Variants in FLOT2 observed in about 807,000 individuals in gnomAD.
FLOT2 encodes the protein flotillin 2, also known as flotillin-2.
In FLOT2, 35 loss-of-function variants were observed where a neutral mutation model predicts 54.9. The observed-to-expected ratio is 0.64, with a 90% CI of 0.49 to 0.84. The LOEUF is 0.84. Among genes scored for constraint, FLOT2 ranks in the 40% least tolerant of loss-of-function variants. The pLI, the probability that FLOT2 is intolerant of heterozygous loss-of-function variation, is 0.00. For missense variants in FLOT2, 464 were observed against 572.1 expected, an observed-to-expected ratio of 0.81 and a Z score of 1.93; for synonymous variants, 207 against 228.9, an observed-to-expected ratio of 0.90 and a Z score of 0.86.
rs772690823 is a variant in FLOT2, at chr17:28,885,651, C to T, written c.132-1336G>A. 8.4e-6 allele frequency: 6 copies of T among 717,548 alleles called. No homozygotes were observed. In the South Asian group the frequency reaches 8.9e-5, roughly 11 times the overall value. The allele number at this position is 717,548 out of a possible 1,614,324, so 44.4% of individuals were successfully genotyped here. On this transcript the variant is annotated intron_variant, in intron 2 of 10. Transcript: ENST00000394908. ...GAGCTTCCAGAATCCCTTGCTGTTT[C>T]CCCACTTGCAGTCCAATAGGCAAGG...
In FLOT2 at chr17:28,885,690, G is replaced by C. The variant is rs1475617659; in HGVS notation, c.132-1375C>G. 4.2e-6 allele frequency: 3 copies of C among 718,182 alleles called. No individual in the cohort carries two copies. The East Asian group carries it at 8.0e-5, about 19-fold the overall frequency. 44.5% of individuals were successfully genotyped at this position (718,182 alleles called of 1,614,324 possible). On this transcript the variant is annotated intron_variant, in intron 2 of 10. Coordinates refer to ENST00000394908, the MANE Select transcript of FLOT2 (RefSeq NM_004475.3). ...CAATAGGCAAGGGCAAGGGACCTGG[G>C]GATGTACAGGGATCCATCCTGGCAC... is the stretch of plus-strand genomic sequence containing the variant.
chr17:28,892,630 TGCCCGGC>T (rs1332833768), intron 1 of FLOT2: 1 of 149,968 alleles, frequency 6.7e-6, no homozygotes, highest in Admixed American at 6.6e-5. Flanking sequence ...GGAGCCACCG[TGCCCGGC>T]CCTAGATGGC....
intron 1 of FLOT2, among the ~76,000 whole-genome samples, chr17:28,894,181 T>A (rs2039701424): frequency 6.6e-6 from 1 of 152,190 alleles, no homozygotes; most frequent in African/African-American, 2.4e-5. Flanking sequence ...ACTTTCTTCC[T>A]ACTAGTCAAG....
intron 1 of FLOT2, among the ~76,000 whole-genome samples, chr17:28,896,633 C>G (rs1400764232): frequency 6.6e-6 from 1 of 152,224 alleles, no homozygotes; most frequent in Admixed American, 6.5e-5. Context: ...CTCAGGGCTT[C>G]TATCCCCTTC....
Position 28,882,162 on chromosome 17 carries a change from A to G in FLOT2, c.655T>C (p.Phe219Leu). The G allele has an allele frequency of 6.2e-7, 1 of 1,614,160 alleles. No homozygotes were observed. The highest frequency in any genetic ancestry group is 8.5e-7 in the Non-Finnish European group (1 of 1,180,032). ...CTGAAGGCTGACTTTTGCAGCTCGA[A>G]GGCTCGCTTAGAGTCAGCAATCTTG... The part of the protein sequence containing the change: ...DTKIADSKRA[F>L]ELQKSAFSEE... Residue 219 changes from phenylalanine to leucine, a missense_variant, in exon 7 of 11, where the codon TTC becomes CTC. Coordinates refer to ENST00000394908, the MANE Select transcript of FLOT2 (RefSeq NM_004475.3). This position sits in a 1 kb window ranked among gnomAD's most constrained non-coding sequence, Gnocchi z 5.6.
At chr17:28,890,009 G>A (rs1038568952) in intron 1 of FLOT2, among the ~76,000 whole-genome samples, 1 of 152,162 alleles carries the variant, frequency 6.6e-6, no homozygotes, top group Admixed American at 6.5e-5. Flanking sequence ...CACGGGGGGT[G>A]TAGACAGAGA....
In FLOT2 at chr17:28,883,103, C is replaced by CA; in HGVS notation, c.346+4_346+5insT. The CA allele has an allele frequency of 6.2e-7, 1 of 1,614,034 alleles. No homozygotes were observed. The highest frequency in any genetic ancestry group is 8.5e-7 in the Non-Finnish European group (1 of 1,179,966). On this transcript the variant is annotated splice_donor_region_variant and intron_variant, in intron 4 of 10. Transcript: ENST00000394908. The surrounding 1 kb of genome is among the most constrained non-coding windows in gnomAD (Gnocchi z 5.0). ...AGGCTCCTCAAAGGCTGAACAGGGC[C>CA]TCACCGAGGATGGAGCGCAGATGTC...
Position 28,897,377 on chromosome 17 carries a change from T to G in FLOT2, c.49+149A>C, listed in dbSNP as rs868695517. ...GCAAGGAAAGCGTGAGCACGAGATC[T>G]CTCTTGGAAGGGGCCTCAGGTGCGG... is the stretch of plus-strand genomic sequence containing the variant. On this transcript the variant is annotated intron_variant, in intron 1 of 10. Transcript: ENST00000394908. This position sits in a 1 kb window ranked among gnomAD's most constrained non-coding sequence, Gnocchi z 4.4. 1 of 659,288 alleles carries G rather than the reference T, an allele frequency of 1.5e-6. No individual in the cohort carries two copies. Among genetic ancestry groups the G allele is most frequent in the Non-Finnish European group, 2.5e-6 (1 of 408,130 alleles). The allele number at this position is 659,288 out of a possible 1,614,324, so 40.8% of individuals were successfully genotyped here. A position where few individuals can be genotyped will look rare whatever the true frequency, so the allele number is the denominator to read the frequency against.
In FLOT2 at chr17:28,889,025, C is replaced by A. The variant is rs2039599410; in HGVS notation, c.51G>T (p.Gly17=). The A allele has an allele frequency of 1.2e-6, 2 of 1,613,874 alleles. No individual in the cohort carries two copies. The highest frequency in any genetic ancestry group is 1.7e-6 in the Non-Finnish European group (2 of 1,179,952). Residue 17 remains glycine (G), a splice_region_variant and synonymous_variant, in exon 2 of 11, where the codon GGG becomes GGT. Transcript: ENST00000394908. The stretch of plus-strand genomic sequence containing the variant: ...GTTTATAGTCGGAACCACAACAGCC[C>A]CCTGGGGAGCAAAGCAAACCACCGC... ...VGPNEALVVS[G]GCCGSDYKQY...
At position 28,879,817 on chromosome 17, in the gene FLOT2, A is replaced by G. The variant is rs2039417514; in HGVS notation, c.*744T>C. On this transcript the variant is annotated 3_prime_UTR_variant, in exon 11 of 11. Coordinates refer to ENST00000394908, the MANE Select transcript of FLOT2 (RefSeq NM_004475.3). Reference sequence around the variant, plus strand: ...TGGGACCAAACCGCACCGCCCCAGCAGGAACATGCCCATGAAGAGGCCTTC... The same window carrying G: ...TGGGACCAAACCGCACCGCCCCAGCGGGAACATGCCCATGAAGAGGCCTTC... The G allele has an allele frequency of 3.0e-6, 3 of 986,110 alleles. No individual in the cohort carries two copies. In the East Asian group the frequency reaches 3.4e-4, roughly 112 times the overall value. 61.1% of individuals were successfully genotyped at this position (986,110 alleles called of 1,614,324 possible).
At chr17:28,889,455 G>C (rs543688714) in intron 1 of FLOT2, among the ~76,000 whole-genome samples, 1 of 151,664 alleles carries the variant, frequency 6.6e-6, no homozygotes, top group South Asian at 2.1e-4. Flanking sequence ...TCAGCCTCCT[G>C]AGTTGCTGGG....
At chr17:28,894,616 CTTTTT>C (rs34266130) in intron 1 of FLOT2, among the ~76,000 whole-genome samples, 1 of 47,376 alleles carries the variant, frequency 2.1e-5, no homozygotes, top group African/African-American at 7.4e-5. Flanking sequence ...AGAGCAAGAC[CTTTTT>C]TTTTTTTTTT....
Position 28,897,363 on chromosome 17 carries a change from G to T in FLOT2, c.49+163C>A. The T allele has an allele frequency of 1.6e-6, 1 of 607,784 alleles. No individual in the cohort carries two copies. Among genetic ancestry groups the T allele is most frequent in the Non-Finnish European group, 2.7e-6 (1 of 364,440 alleles). The allele number at this position is 607,784 out of a possible 1,614,324, so 37.6% of individuals were successfully genotyped here. A position where few individuals can be genotyped will look rare whatever the true frequency, so the allele number is the denominator to read the frequency against. ...CCCGAGGGTGCGCAGCAAGGAAAGC[G>T]TGAGCACGAGATCTCTCTTGGAAGG... is the stretch of plus-strand genomic sequence containing the variant. On this transcript the variant is annotated intron_variant, in intron 1 of 10. Transcript: ENST00000394908. The surrounding 1 kb of genome is among the most constrained non-coding windows in gnomAD (Gnocchi z 4.4).
At chr17:28,887,327 C>T (rs1334641311) in intron 2 of FLOT2, among the ~76,000 whole-genome samples, 1 of 152,160 alleles carries the variant, frequency 6.6e-6, no homozygotes, top group East Asian at 1.9e-4. Context: ...AATAAAGCCC[C>T]AGCCTGTGGA....
At position 28,881,396 on chromosome 17, in the gene FLOT2, T is replaced by G. The variant is rs761988900; in HGVS notation, c.915-21A>C. On this transcript the variant is annotated intron_variant, in intron 8 of 10. Coordinates refer to ENST00000394908, the MANE Select transcript of FLOT2 (RefSeq NM_004475.3). ...TCACCCTGGGGGAGCCCAGGCCAGT[T>G]AGGATCAGTGGGACGTACCAGGGTC... The G allele has an allele frequency of 1.9e-6, 3 of 1,606,670 alleles. No individual in the cohort carries two copies. In the East Asian group the frequency reaches 6.7e-5, roughly 36 times the overall value.
intron 2 of FLOT2, among the ~76,000 whole-genome samples, chr17:28,887,793 C>G (rs985027238): frequency 5.9e-5 from 9 of 152,202 alleles, no homozygotes; most frequent in Non-Finnish European, 1.3e-4. Context: ...AGGCTGTGGC[C>G]ACTACTGATT....
In FLOT2 at chr17:28,880,601, T is replaced by C. The variant is rs1347144933; in HGVS notation, c.1249-2A>G. The C allele has an allele frequency of 3.1e-6, 5 of 1,614,078 alleles. No individual in the cohort carries two copies. Among genetic ancestry groups the C allele is most frequent in the Non-Finnish European group, 4.2e-6 (5 of 1,179,998 alleles). On this transcript the variant is annotated splice_acceptor_variant, in intron 10 of 10. Transcript: ENST00000394908. LOFTEE classifies it high-confidence loss of function. Reference sequence around the variant, plus strand: ...AGTGGCCTTCTTGATCAGGGGTATCTGCAAGGATGGGAGATGCCATGAGAC... The same window carrying C: ...AGTGGCCTTCTTGATCAGGGGTATCCGCAAGGATGGGAGATGCCATGAGAC...
At position 28,897,518 on chromosome 17, in the gene FLOT2, C is replaced by T; in HGVS notation, c.49+8G>A. 1 of 1,604,908 alleles carries T rather than the reference C, an allele frequency of 6.2e-7. No homozygotes were observed. The highest frequency in any genetic ancestry group is 8.5e-7 in the Non-Finnish European group (1 of 1,175,972). On this transcript the variant is annotated splice_region_variant and intron_variant, in intron 1 of 10. Transcript: ENST00000394908. This position sits in a 1 kb window ranked among gnomAD's most constrained non-coding sequence, Gnocchi z 4.4. ...CCACAGCTCCCACCTTCCTCGCCGC[C>T]CCCTCACCTGAAACCACCAGCGCCT...
chr17:28,880,708 C>T lies in FLOT2; in HGVS notation c.1248+5G>A. ...CAACCCCACCGCAGCTAGGCAGGCA[C>T]ATACCTTAGACAGGTCCACGCCTGT... On this transcript the variant is annotated splice_donor_5th_base_variant and intron_variant, in intron 10 of 10. Coordinates refer to ENST00000394908, the MANE Select transcript of FLOT2 (RefSeq NM_004475.3). The T allele has an allele frequency of 1.2e-6, 2 of 1,614,230 alleles. No individual in the cohort carries two copies. Among genetic ancestry groups the T allele is most frequent in the South Asian group, 2.2e-5 (2 of 91,080 alleles).
Sources: allele counts gnomAD v4.1 joint callset (sites outside exome capture counted in the v4.1 genomes callset), GRCh38; gene constraint gnomAD v4.1.1; non-coding constraint Gnocchi (gnomAD v3.1); transcripts MANE v1.5; gene names NCBI Gene and HGNC (gene_info 2026-07-23, HGNC 2026-07-21).